The following BCKDHB variants were observed in gnomAD, a reference collection of about 807,000 sequenced individuals.
The protein encoded by BCKDHB is 2-oxoisovalerate dehydrogenase subunit beta, mitochondrial.
A neutral mutation model predicts 48.5 loss-of-function variants in BCKDHB; 41 were observed. The ratio of observed to expected loss-of-function variants is 0.85; its 90% CI spans 0.66 to 1.10. The LOEUF (loss-of-function observed/expected upper bound fraction) is 1.10. Among genes scored for constraint, BCKDHB ranks in the 50% least tolerant of loss-of-function variants. BCKDHB has a pLI of 0.00. For synonymous variants in BCKDHB, 201 were observed against 174.8 expected, an observed-to-expected ratio of 1.15 and a Z score of -1.18; for missense variants, 496 against 494.2, an observed-to-expected ratio of 1.00 and a Z score of -0.03.
At chr6:80,212,614 T>TAC (rs955098535) in intron 8 of BCKDHB, among the ~76,000 whole-genome samples, 42 of 152,308 alleles carry the variant, frequency 2.8e-4, no homozygotes, top group African/African-American at 1.0e-3. Context: ...TGAGGTGACA[T>TAC]ATATCCTCAG....
At chr6:80,230,078 G>A (rs1337660596) in intron 8 of BCKDHB, among the ~76,000 whole-genome samples, 3 of 102,636 alleles carry the variant, frequency 2.9e-5, no homozygotes, top group African/African-American at 7.7e-5. Context: ...TCACTCTTTC[G>A]CCCAAGCTGG....
At chr6:80,465,067 T>G in the BCKDHB span, among the ~76,000 whole-genome samples, 2 of 152,182 alleles carry the variant, frequency 1.3e-5, no homozygotes, top group African/African-American at 4.8e-5. Context: ...CCAGAGAGTG[T>G]TAACTACCTT....
chr6:80,456,148 G>C, the BCKDHB span, among the ~76,000 whole-genome samples: 1 of 151,830 alleles, frequency 6.6e-6, no homozygotes, highest in Non-Finnish European at 1.5e-5. Context: ...CCTGGAGGCG[G>C]AGGTTGCAGT....
At chr6:80,128,434 A>G (rs1251045032) in intron 2 of BCKDHB, among the ~76,000 whole-genome samples, 1 of 152,138 alleles carries the variant, frequency 6.6e-6, no homozygotes, top group Non-Finnish European at 1.5e-5. Context: ...CTGGTTAGGT[A>G]CGTTTATGAG....
intron 9 of BCKDHB, among the ~76,000 whole-genome samples, chr6:80,311,581 A>G (rs1768163631): frequency 6.6e-6 from 1 of 152,146 alleles, no homozygotes; most frequent in Non-Finnish European, 1.5e-5. Flanking sequence ...TAACTCTTTA[A>G]TCCATCTTGA....
At chr6:80,434,802 C>T in the BCKDHB span, among the ~76,000 whole-genome samples, 1 of 152,102 alleles carries the variant, frequency 6.6e-6, no homozygotes, top group Middle Eastern at 3.2e-3. Context: ...ATGTTCATGC[C>T]CAGCTCTATT....
chr6:80,354,168 G>A, the BCKDHB span, among the ~76,000 whole-genome samples: 1 of 151,900 alleles, frequency 6.6e-6, no homozygotes, highest in African/African-American at 2.4e-5. Context: ...CTGTTATACT[G>A]TGCAGAAGTT....
At chr6:80,452,807 A>G in the BCKDHB span, among the ~76,000 whole-genome samples, 1 of 152,238 alleles carries the variant, frequency 6.6e-6, no homozygotes, top group Non-Finnish European at 1.5e-5. Context: ...AACTAAATCA[A>G]GGATAAATAA....
chr6:80,239,571 T>C (rs1385474188), intron 8 of BCKDHB, among the ~76,000 whole-genome samples: 2 of 152,238 alleles, frequency 1.3e-5, no homozygotes, highest in Non-Finnish European at 2.9e-5. Context: ...ACTCTGATGG[T>C]AGTCTCCTTT....
At chr6:80,330,940 T>G (rs564524079) in intron 9 of BCKDHB, among the ~76,000 whole-genome samples, 2 of 152,340 alleles carry the variant, frequency 1.3e-5, no homozygotes, top group South Asian at 4.2e-4. Flanking sequence ...AGTGGCTGAT[T>G]TTGCTATTTT....
At chr6:80,309,205 A>G (rs1218888995) in intron 9 of BCKDHB, among the ~76,000 whole-genome samples, 2 of 151,932 alleles carry the variant, frequency 1.3e-5, no homozygotes, top group African/African-American at 4.8e-5. Flanking sequence ...CTGGGATTAC[A>G]GGCACTTGCC....
chr6:80,356,742 A>G, the BCKDHB span: 1 of 152,192 alleles, frequency 6.6e-6, no homozygotes, highest in African/African-American at 2.4e-5. Context: ...TAAGTATTGC[A>G]TAATCTTTCT....
the BCKDHB span, among the ~76,000 whole-genome samples, chr6:80,357,740 T>C: frequency 6.6e-6 from 1 of 152,240 alleles, no homozygotes; most frequent in Non-Finnish European, 1.5e-5. Flanking sequence ...GCTGTGTCCA[T>C]ACACTGTACT....
chr6:80,167,347 A>G (rs998675330), intron 3 of BCKDHB, among the ~76,000 whole-genome samples: 1 of 150,936 alleles, frequency 6.6e-6, no homozygotes, highest in Non-Finnish European at 1.5e-5. Flanking sequence ...TTTTATTTTC[A>G]TTGAAACATT....
chr6:80,404,283 T>C, the BCKDHB span, among the ~76,000 whole-genome samples: 1 of 151,992 alleles, frequency 6.6e-6, no homozygotes, highest in African/African-American at 2.4e-5. Context: ...AGGTTTTCTA[T>C]TTCTTCATAG....
At chr6:80,375,805 C>T in the BCKDHB span, among the ~76,000 whole-genome samples, 1 of 152,178 alleles carries the variant, frequency 6.6e-6, no homozygotes, top group Admixed American at 6.5e-5. Context: ...ATCTGGGACT[C>T]ATGGGCTACT....
chr6:80,211,477 G>A (rs1454317854), intron 8 of BCKDHB, among the ~76,000 whole-genome samples: 2 of 152,104 alleles, frequency 1.3e-5, no homozygotes, highest in Admixed American at 6.6e-5. Flanking sequence ...ACTGTCTTGC[G>A]CTTCTGACCT....
At chr6:80,267,792 C>T (rs920025158) in intron 8 of BCKDHB, among the ~76,000 whole-genome samples, 1 of 152,042 alleles carries the variant, frequency 6.6e-6, no homozygotes, top group African/African-American at 2.4e-5. Flanking sequence ...TGAGGATGTA[C>T]AAAAATTTCC....
chr6:80,177,407 CG>C (rs1035885023), intron 6 of BCKDHB, among the ~76,000 whole-genome samples: 3 of 151,392 alleles, frequency 2.0e-5, no homozygotes, highest in Non-Finnish European at 2.9e-5. Flanking sequence ...AAACAGATAA[CG>C]GGGGAATTGA....
Sources: gnomAD v4.1 joint callset for allele counts (sites outside exome capture counted in the v4.1 genomes callset) on GRCh38, gnomAD v4.1.1 for gene constraint, MANE v1.5 for transcripts, NCBI Gene and HGNC (gene_info 2026-07-23, HGNC 2026-07-21) for gene names.